The following SLC45A4 variants were observed in gnomAD, a reference collection of about 807,000 sequenced individuals.
SLC45A4 encodes the protein polyamine-transporter SLC45A4.
SLC45A4 carries 32 observed loss-of-function variants against 63.7 expected under a neutral mutation model. The observed-to-expected ratio is 0.50, with a 90% CI of 0.38 to 0.67. The LOEUF is 0.67. Ranked by LOEUF, SLC45A4 falls within the 30% of genes least tolerant of loss-of-function variation. The pLI, the probability that SLC45A4 is intolerant of heterozygous loss-of-function variation, is 0.00. For synonymous variants in SLC45A4, 535 were observed against 510.0 expected (o/e 1.05, Z -0.66); for missense variants, 1,027 against 1,157.7 (o/e 0.89, Z 1.64).
intron 2 of SLC45A4, among the ~76,000 whole-genome samples, chr8:141,238,442 G>C (rs1827738347): frequency 6.6e-6 from 1 of 152,174 alleles, no homozygotes; most frequent in African/African-American, 2.4e-5. Flanking sequence ...TTCCCAGACT[G>C]AAACTCTGTC....
rs563245892 is a variant in SLC45A4, at chr8:141,218,860, C to T, written c.780G>A (p.Pro260=). 1.1e-5 allele frequency: 18 copies of T among 1,613,362 alleles called. No homozygotes were observed. Among genetic ancestry groups the T allele is most frequent in the Admixed American group, 5.0e-5 (3 of 60,010 alleles). Residue 260 remains proline (P), a synonymous_variant, in exon 5 of 9, where the codon CCG becomes CCA. Transcript: ENST00000517878. ...LFSIDEEQYS[P]QQERSAEEPG... is the part of the protein sequence containing the mutation. ...GCTCCTCAGCGCTGCGCTCCTGCTG[C>T]GGGCTGTACTGCTCCTCGTCGATGC...
chr8:141,307,013 C>G (rs1178444793), intron 1 of SLC45A4, among the ~76,000 whole-genome samples: 2 of 152,222 alleles, frequency 1.3e-5, no homozygotes, highest in African/African-American at 4.8e-5. Context: ...GTCTGTGAAC[C>G]TGAAGCCACA....
chr8:141,283,541 G>A (rs1477471697), intron 1 of SLC45A4, among the ~76,000 whole-genome samples: 7 of 152,202 alleles, frequency 4.6e-5, no homozygotes, highest in Non-Finnish European at 4.4e-5. Context: ...CATCAACATC[G>A]GTGTCACCCC....
chr8:141,270,574 G>C (rs543918202), intron 1 of SLC45A4, among the ~76,000 whole-genome samples: 8 of 152,068 alleles, frequency 5.3e-5, no homozygotes, highest in African/African-American at 1.7e-4. Flanking sequence ...AGGAGACTGA[G>C]GTGGGAGAAC....
chr8:141,299,033 GC>G (rs1350189183), intron 1 of SLC45A4, among the ~76,000 whole-genome samples: 1 of 147,680 alleles, frequency 6.8e-6, no homozygotes, highest in East Asian at 2.4e-4. Context: ...CCAGCTGGGC[GC>G]CCGGCACGGA....
At chr8:141,288,138 C>A (rs1437157719) in intron 1 of SLC45A4, among the ~76,000 whole-genome samples, 1 of 152,160 alleles carries the variant, frequency 6.6e-6, no homozygotes, top group Non-Finnish European at 1.5e-5. Flanking sequence ...GATCCTGCCA[C>A]TACACTGCAC....
At chr8:141,232,712 C>T (rs1827427030) in intron 2 of SLC45A4, among the ~76,000 whole-genome samples, 1 of 147,036 alleles carries the variant, frequency 6.8e-6, no homozygotes, top group African/African-American at 2.5e-5. Flanking sequence ...GGAACACAGA[C>T]ATTCAGTGGC....
chr8:141,283,320 G>C (rs1484513734), intron 1 of SLC45A4, among the ~76,000 whole-genome samples: 1 of 152,186 alleles, frequency 6.6e-6, no homozygotes, highest in Non-Finnish European at 1.5e-5. Flanking sequence ...TCTCTAAGGG[G>C]CACCAGTGGC....
chr8:141,260,133 A>C (rs1828987953), intron 1 of SLC45A4, among the ~76,000 whole-genome samples: 1 of 152,222 alleles, frequency 6.6e-6, no homozygotes, highest in Admixed American at 6.5e-5. Flanking sequence ...GGCACAGTAC[A>C]CGGATTTTAC....
At chr8:141,297,564 C>T (rs1484300024) in intron 1 of SLC45A4, among the ~76,000 whole-genome samples, 1 of 152,228 alleles carries the variant, frequency 6.6e-6, no homozygotes, top group Non-Finnish European at 1.5e-5. Flanking sequence ...CTGAACTTTA[C>T]AACCACAAAC....
chr8:141,242,860 C>G (rs1368936195), intron 2 of SLC45A4, among the ~76,000 whole-genome samples: 1 of 152,190 alleles, frequency 6.6e-6, no homozygotes, highest in Non-Finnish European at 1.5e-5. Context: ...GAATGTGGAC[C>G]TGAATGTGTA....
intron 2 of SLC45A4, among the ~76,000 whole-genome samples, chr8:141,228,770 G>A (rs1827181532): frequency 6.6e-6 from 1 of 152,182 alleles, no homozygotes; most frequent in African/African-American, 2.4e-5. Context: ...GGGTCAATCA[G>A]TTCCAGAAGC....
intron 8 of SLC45A4, 62 bp downstream of exon 8, chr8:141,212,135 G>GCCCCCCCCC: frequency 5.5e-6 from 3 of 544,548 alleles, no homozygotes; most frequent in Non-Finnish European, 4.8e-6. Flanking sequence ...GCCTGGCCCC[G>GCCCCCCCCC]CCGCCCGCCC....
intron 1 of SLC45A4, among the ~76,000 whole-genome samples, chr8:141,271,855 ACACACACG>A (rs1829539344): frequency 6.6e-6 from 1 of 152,038 alleles, no homozygotes; most frequent in African/African-American, 2.4e-5. Flanking sequence ...GTGTACACAC[ACACACACG>A]CACTCACACA....
intron 1 of SLC45A4, among the ~76,000 whole-genome samples, chr8:141,281,003 C>T (rs753699894): frequency 1.3e-5 from 2 of 152,370 alleles, no homozygotes; most frequent in East Asian, 1.9e-4. Context: ...CTCTCAGCAT[C>T]GCACGAGTTC....
At chr8:141,251,104 C>T (rs1279367133) in intron 2 of SLC45A4, among the ~76,000 whole-genome samples, 2 of 152,194 alleles carry the variant, frequency 1.3e-5, no homozygotes, top group Admixed American at 1.3e-4. Context: ...ACGACCACAA[C>T]TCGTTGTCCA....
intron 5 of SLC45A4, among the ~76,000 whole-genome samples, chr8:141,217,437 C>T (rs1051777848): frequency 6.6e-6 from 1 of 152,232 alleles, no homozygotes; most frequent in Non-Finnish European, 1.5e-5. Flanking sequence ...CTGTGTGTCT[C>T]CCGGTCCCCA....
In SLC45A4 at chr8:141,252,707, GCCCACC is replaced by G. The variant is rs1828541953; in HGVS notation, c.241+1276_241+1281del. The G allele has an allele frequency of 3.4e-5, 4 of 115,986 alleles. 2 individuals carry two copies. The highest frequency in any genetic ancestry group is 6.9e-5 in the Non-Finnish European group (4 of 58,296). 7.2% of individuals were successfully genotyped at this position (115,986 alleles called of 1,614,324 possible). ...CGTCTGTGAATTTCCGTGTTTTCAC[GCCCACC>G]TGCGTGTCTGTGAATTTCCGTGTTT... On this transcript the variant is annotated intron_variant, in intron 2 of 8. Transcript: ENST00000517878.
intron 2 of SLC45A4, among the ~76,000 whole-genome samples, chr8:141,223,108 T>G (rs1826754079): frequency 6.6e-6 from 1 of 152,230 alleles, no homozygotes; most frequent in Non-Finnish European, 1.5e-5. Flanking sequence ...GAAATCATTT[T>G]CAGAGGAGGA....
Sources: gnomAD v4.1 joint callset for allele counts (sites outside exome capture counted in the v4.1 genomes callset) on GRCh38, gnomAD v4.1.1 for gene constraint, MANE v1.5 for transcripts, NCBI Gene and HGNC (gene_info 2026-07-23, HGNC 2026-07-21) for gene names.